AK5: variants seen among roughly 807,000 people sequenced by gnomAD.
AK5 encodes the protein adenylate kinase 5, also known as adenylate kinase isoenzyme 5.
A neutral mutation model predicts 69.5 loss-of-function variants in AK5; 27 were observed. The observed-to-expected ratio is 0.39, with a 90% CI of 0.29 to 0.54. The LOEUF is 0.54. Among genes scored for constraint, AK5 ranks in the 20% least tolerant of loss-of-function variants. The pLI is 0.71. For synonymous variants in AK5, 260 were observed against 244.4 expected (o/e 1.06, Z -0.60); for missense variants, 531 against 700.4 (o/e 0.76, Z 2.73).
At chr1:77,334,237 A>G (rs781289582) in intron 5 of AK5, among the ~76,000 whole-genome samples, 3 of 152,180 alleles carry the variant, frequency 2.0e-5, no homozygotes, top group South Asian at 2.1e-4. Flanking sequence ...GTAGGTTGGC[A>G]GTTATTATAT....
chr1:77,506,521 A>T (rs1286874925), intron 10 of AK5, among the ~76,000 whole-genome samples: 1 of 151,990 alleles, frequency 6.6e-6, no homozygotes, highest in South Asian at 2.1e-4. Flanking sequence ...GTCACCTGAG[A>T]CCTGAACCTT....
At chr1:77,407,013 A>G (rs554986303) in intron 6 of AK5, among the ~76,000 whole-genome samples, 1 of 152,232 alleles carries the variant, frequency 6.6e-6, no homozygotes, top group South Asian at 2.1e-4. Flanking sequence ...CAAATTGTCA[A>G]TGTCTGGCAT....
intron 8 of AK5, among the ~76,000 whole-genome samples, chr1:77,466,272 G>T (rs1036809947): frequency 2.0e-5 from 3 of 151,926 alleles, no homozygotes; most frequent in African/African-American, 7.3e-5. Context: ...TTCTCCACTT[G>T]CCCAACTCAG....
chr1:77,437,632 T>C (rs1652033086), intron 8 of AK5, among the ~76,000 whole-genome samples: 2 of 152,170 alleles, frequency 1.3e-5, no homozygotes, highest in South Asian at 4.1e-4. Context: ...TTCAAACATT[T>C]TCATTTTAGA....
chr1:77,321,373 G>A lies in AK5; in HGVS notation c.700-19004G>A, dbSNP rs542716207. 7.9e-5 allele frequency among the ~76,000 whole-genome samples: 12 copies of A among 152,124 alleles called. No homozygotes were observed. In the South Asian group the frequency reaches 2.5e-3, roughly 32 times the overall value. ...AGTCCCAGCTACTCAGGAAGCTAAGGCAAGAGAATCACTTGAACCCGAGAG... is the reference window on the plus strand; with the variant it reads ...AGTCCCAGCTACTCAGGAAGCTAAGACAAGAGAATCACTTGAACCCGAGAG... On this transcript the variant is annotated intron_variant, in intron 5 of 13. Coordinates refer to ENST00000354567, the MANE Select transcript of AK5 (RefSeq NM_174858.3).
chr1:77,555,852 G>T (rs917751360), intron 13 of AK5, among the ~76,000 whole-genome samples: 1 of 152,190 alleles, frequency 6.6e-6, no homozygotes, highest in African/African-American at 2.4e-5. Flanking sequence ...GTTCAACTTG[G>T]TTAACTGCAA....
At chr1:77,444,281 AACATATGTGT>A (rs1557598156) in intron 8 of AK5, among the ~76,000 whole-genome samples, 6 of 42,022 alleles carry the variant, frequency 1.4e-4, no homozygotes, top group African/African-American at 5.1e-4. Flanking sequence ...ATATATACAC[AACATATGTGT>A]ATATATATAG....
At chr1:77,550,201 C>T (rs1205511563) in intron 13 of AK5, among the ~76,000 whole-genome samples, 2 of 152,164 alleles carry the variant, frequency 1.3e-5, no homozygotes, top group Non-Finnish European at 2.9e-5. Context: ...CCTCAGCCTC[C>T]TAAAGCATGG....
At chr1:77,398,644 G>A (rs1648988033) in intron 6 of AK5, among the ~76,000 whole-genome samples, 1 of 152,282 alleles carries the variant, frequency 6.6e-6, no homozygotes, top group Admixed American at 6.5e-5. Context: ...GAAAAAACGA[G>A]AACTGCACAG....
At chr1:77,300,070 A>G (rs1659246217) in intron 5 of AK5, among the ~76,000 whole-genome samples, 1 of 152,162 alleles carries the variant, frequency 6.6e-6, no homozygotes, top group Non-Finnish European at 1.5e-5. Flanking sequence ...AGACTCAGAA[A>G]GCTAAGGTGG....
At chr1:77,433,076 G>C (rs907676995) in intron 8 of AK5, among the ~76,000 whole-genome samples, 1 of 152,138 alleles carries the variant, frequency 6.6e-6, no homozygotes, top group Non-Finnish European at 1.5e-5. Flanking sequence ...TTTATATCAA[G>C]TTGTCTAGCT....
In AK5 at chr1:77,456,749, A is replaced by G. The variant is rs573723490; in HGVS notation, c.1060-26568A>G. Among the ~76,000 whole-genome samples the G allele has an allele frequency of 9.9e-5, 15 of 152,238 alleles. No individual in the cohort carries two copies. In the South Asian group the frequency reaches 2.9e-3, roughly 29 times the overall value. ...ATGGGGAAGGAGTGACGTGCAGGGC[A>G]TCACTGAAGCCTAAAGCCTGCTCTT... On this transcript the variant is annotated intron_variant, in intron 8 of 13. Transcript: ENST00000354567.
At chr1:77,331,070 A>C (rs1166659328) in intron 5 of AK5, among the ~76,000 whole-genome samples, 1 of 152,038 alleles carries the variant, frequency 6.6e-6, no homozygotes, top group Non-Finnish European at 1.5e-5. Flanking sequence ...CTAATATACA[A>C]AAATATAATA....
At chr1:77,535,219 T>C (rs1181365127) in intron 12 of AK5, among the ~76,000 whole-genome samples, 3 of 152,168 alleles carry the variant, frequency 2.0e-5, no homozygotes, top group African/African-American at 7.2e-5. Flanking sequence ...TCCGCTACAG[T>C]CTGTTGGTCA....
At chr1:77,391,388 A>AT (rs1251849645) in intron 6 of AK5, among the ~76,000 whole-genome samples, 30 of 143,182 alleles carry the variant, frequency 2.1e-4, no homozygotes, top group Admixed American at 9.1e-4. Context: ...TGCAAAAAAA[A>AT]AAATATATAT....
intron 6 of AK5, among the ~76,000 whole-genome samples, chr1:77,399,550 G>A (rs960339047): frequency 6.6e-6 from 1 of 152,158 alleles, no homozygotes; most frequent in African/African-American, 2.4e-5. Flanking sequence ...TGAGGGAGGG[G>A]CAGCTAAGCT....
intron 6 of AK5, among the ~76,000 whole-genome samples, chr1:77,351,504 C>T (rs1186360525): frequency 1.3e-5 from 2 of 152,198 alleles, no homozygotes; most frequent in Non-Finnish European, 2.9e-5. Context: ...ACAATGACTA[C>T]ATGGTGTCAT....
At chr1:77,524,029 G>T (rs1416074801) in intron 12 of AK5, among the ~76,000 whole-genome samples, 1 of 152,038 alleles carries the variant, frequency 6.6e-6, no homozygotes, top group African/African-American at 2.4e-5. Context: ...TCCTATCTCT[G>T]TGAATTTCAC....
chr1:77,285,196 T>C (rs1276702828), intron 1 of AK5, among the ~76,000 whole-genome samples: 1 of 152,174 alleles, frequency 6.6e-6, no homozygotes, highest in Non-Finnish European at 1.5e-5. Flanking sequence ...ATGCACTGGG[T>C]ATGCAAATAA....
Sources: allele counts gnomAD v4.1 joint callset (sites outside exome capture counted in the v4.1 genomes callset), GRCh38; gene constraint gnomAD v4.1.1; transcripts MANE v1.5; gene names NCBI Gene and HGNC (gene_info 2026-07-23, HGNC 2026-07-21).